The following PCNP variants were observed in gnomAD, a reference collection of about 807,000 sequenced individuals.
The protein encoded by PCNP is PEST proteolytic signal-containing nuclear protein.
In PCNP, 6 loss-of-function variants were observed where a neutral mutation model predicts 21.8. That is an observed-to-expected ratio of 0.28 (90% CI 0.15 to 0.54). PCNP has a LOEUF of 0.54. Ranked by LOEUF, PCNP falls within the 20% of genes least tolerant of loss-of-function variation. The pLI, the probability that PCNP is intolerant of heterozygous loss-of-function variation, is 0.95. For missense variants in PCNP, 161 were observed against 215.5 expected (o/e 0.75, Z 1.58); for synonymous variants, 67 against 73.2 (o/e 0.92, Z 0.43).
At chr3:101,576,335 A>T (rs1934883721) in intron 1 of PCNP, among the ~76,000 whole-genome samples, 1 of 151,778 alleles carries the variant, frequency 6.6e-6, no homozygotes, top group Non-Finnish European at 1.5e-5. Context: ...CCCCGATTCA[A>T]GTGATTTTCC....
chr3:101,591,764 G>A (rs1235495510), intron 4 of PCNP, among the ~76,000 whole-genome samples: 1 of 89,762 alleles, frequency 1.1e-5, no homozygotes, highest in Non-Finnish European at 2.2e-5. Context: ...TTTGATTTTG[G>A]TGTTTTTTTT....
At chr3:101,588,039 G>T (rs938744283) in intron 3 of PCNP, among the ~76,000 whole-genome samples, 8 of 152,180 alleles carry the variant, frequency 5.3e-5, no homozygotes, top group Non-Finnish European at 1.5e-5. Flanking sequence ...TTGGGAGGCC[G>T]AGGCGGGTGG....
intron 1 of PCNP, among the ~76,000 whole-genome samples, chr3:101,579,173 A>G (rs1935096824): frequency 6.6e-6 from 1 of 152,156 alleles, no homozygotes; most frequent in Admixed American, 6.6e-5. Flanking sequence ...AAAACAGGTA[A>G]TAACCAAATT....
Position 101,592,615 on chromosome 3 carries a change from C to CT in PCNP, c.411-8dup, listed in dbSNP as rs763498345. ...ATAACATTTTAAATAAATTTTCTTT[C>CT]TTTTAACACAGGGATACACCAACAT... On this transcript the variant is annotated splice_polypyrimidine_tract_variant and intron_variant, in intron 4 of 4. Transcript: ENST00000265260. 6 of 1,578,316 alleles carry CT rather than the reference C, an allele frequency of 3.8e-6. No individual in the cohort carries two copies. The East Asian group carries it at 1.1e-4, about 30-fold the overall frequency.
intron 3 of PCNP, among the ~76,000 whole-genome samples, chr3:101,587,079 C>T (rs1369707584): frequency 1.4e-4 from 22 of 151,852 alleles, no homozygotes; most frequent in African/African-American, 4.8e-4. Flanking sequence ...GGAGAAACCC[C>T]GTCTCTACTA....
At chr3:101,588,768 AT>A (rs1369820959) in intron 3 of PCNP, among the ~76,000 whole-genome samples, 3 of 152,312 alleles carry the variant, frequency 2.0e-5, no homozygotes, top group African/African-American at 7.2e-5. Flanking sequence ...TTTCCTCATG[AT>A]TAGTTTCACG....
intron 2 of PCNP, among the ~76,000 whole-genome samples, chr3:101,580,346 AG>A (rs1486587385): frequency 1.3e-5 from 2 of 152,202 alleles, no homozygotes; most frequent in African/African-American, 4.8e-5. Flanking sequence ...TGGGAGGACC[AG>A]TTGAGCCCAG....
At chr3:101,578,663 A>G (rs1935056930) in intron 1 of PCNP, among the ~76,000 whole-genome samples, 1 of 152,204 alleles carries the variant, frequency 6.6e-6, no homozygotes, top group African/African-American at 2.4e-5. Flanking sequence ...AGACCCCATT[A>G]TTCCAAAACT....
chr3:101,584,131 T>C (rs543267828), intron 2 of PCNP, among the ~76,000 whole-genome samples: 4 of 152,272 alleles, frequency 2.6e-5, no homozygotes, highest in South Asian at 2.1e-4. Context: ...TGAGTACTTA[T>C]GAACACTGTG....
At chr3:101,587,249 TCA>T (rs1935578412) in intron 3 of PCNP, among the ~76,000 whole-genome samples, 1 of 104,800 alleles carries the variant, frequency 9.5e-6, no homozygotes. Flanking sequence ...AAACTCTGTC[TCA>T]AAAAAAAAAA....
chr3:101,584,628 G>GA (rs1310490805), intron 2 of PCNP, among the ~76,000 whole-genome samples: 1 of 152,080 alleles, frequency 6.6e-6, no homozygotes, highest in Non-Finnish European at 1.5e-5. Flanking sequence ...GCAGTGGCGT[G>GA]ATCTCACCTC....
rs1238862097 is a variant in PCNP, at chr3:101,574,235, G to A, written c.20G>A (p.Gly7Glu). Residue 7 changes from glycine (G) to glutamate (E), a missense_variant, in exon 1 of 5, where the codon GGA becomes GAA. Around this residue, in one of 4 missense-constraint regions of PCNP, gnomAD observed 43 missense variants for 26.6 expected, o/e 1.62. Transcript: ENST00000265260. The part of the protein sequence containing the change: MADGKA[G>E]DEKPEKSQRA... ...GGGAAAATGGCGGACGGGAAGGCGGGAGACGAGAAGCCTGAAAAGTCGCAG... is the reference window on the plus strand; with the variant it reads ...GGGAAAATGGCGGACGGGAAGGCGGAAGACGAGAAGCCTGAAAAGTCGCAG... 2 of 1,549,830 alleles carry A rather than the reference G, an allele frequency of 1.3e-6. No individual in the cohort carries two copies. Among genetic ancestry groups the A allele is most frequent in the Admixed American group, 2.0e-5 (1 of 50,780 alleles).
chr3:101,574,175 A>G (rs1559953726), upstream of PCNP: 2 of 1,543,400 alleles, frequency 1.3e-6, no homozygotes, highest in Admixed American at 2.0e-5. Flanking sequence ...CGGGGTCGTG[A>G]CGTCCTTGGC....
At position 101,579,924 on chromosome 3, in the gene PCNP, A is replaced by G; in HGVS notation, c.199A>G (p.Lys67Glu). The change falls in exon 2 of 5, where the codon AAG becomes GAG. Residue 67 changes from lysine to glutamate, a missense_variant. Around this residue, in one of 4 missense-constraint regions of PCNP, gnomAD observed 46 missense variants for 39.3 expected, o/e 1.17. Coordinates refer to ENST00000265260, the MANE Select transcript of PCNP (RefSeq NM_020357.3). ...TGCCGACCTCCCAACAAAGCCTACA[A>G]AGATCTCCAAGTTTGGATTTGCCAT... Reference protein sequence around the residue: ...EAADLPTKPTKISKFGFAIGS... With the variant: ...EAADLPTKPTEISKFGFAIGS... 1 of 1,614,122 alleles carries G rather than the reference A, an allele frequency of 6.2e-7. No homozygotes were observed. Among genetic ancestry groups the G allele is most frequent in the Non-Finnish European group, 8.5e-7 (1 of 1,179,940 alleles).
intron 2 of PCNP, among the ~76,000 whole-genome samples, chr3:101,583,883 G>T (rs1365613550): frequency 3.4e-4 from 1 of 2,930 alleles, no homozygotes; most frequent in Non-Finnish European, 2.7e-3. Context: ...GGCTGGTCTC[G>T]GAACTCCTGA....
Position 101,580,008 on chromosome 3 carries a change from AGTT to A in PCNP, c.279+8_279+10del. 1 of 1,604,826 alleles carries A rather than the reference AGTT, an allele frequency of 6.2e-7. No homozygotes were observed. ...ATCCATCAAACTTGGATCAAGTGTG[AGTT>A]GTTATTTCATATATGATGTTTGTAA... On this transcript the variant is annotated splice_donor_5th_base_variant and intron_variant, in intron 2 of 4. Transcript: ENST00000265260.
chr3:101,578,656 C>T (rs903470151), intron 1 of PCNP, among the ~76,000 whole-genome samples: 3 of 152,142 alleles, frequency 2.0e-5, no homozygotes, highest in African/African-American at 7.2e-5. Context: ...AATCTAGAGA[C>T]CCCATTATTC....
intron 1 of PCNP, 68 bp downstream of exon 1, chr3:101,574,347 G>A (rs1362924166): frequency 2.0e-6 from 3 of 1,476,350 alleles, no homozygotes; most frequent in East Asian, 5.3e-5. Flanking sequence ...TCCCAGGGTG[G>A]GGGGAGTGGG....
chr3:101,575,383 A>G (rs562049454), intron 1 of PCNP, among the ~76,000 whole-genome samples: 1 of 152,118 alleles, frequency 6.6e-6, no homozygotes, highest in East Asian at 1.9e-4. Context: ...TGTAATGTTA[A>G]TTACTTTGGA....
Sources: allele counts gnomAD v4.1 joint callset (sites outside exome capture counted in the v4.1 genomes callset), GRCh38; gene constraint gnomAD v4.1.1; regional missense constraint gnomAD v4.1.1; transcripts MANE v1.5; gene names NCBI Gene and HGNC (gene_info 2026-07-23, HGNC 2026-07-21).